Variants in CCDC85A observed in about 807,000 individuals in gnomAD.
CCDC85A encodes the protein coiled-coil domain containing 85A.
Under a neutral mutation model 50.2 loss-of-function variants are expected in CCDC85A, and 38 were observed. The ratio of observed to expected loss-of-function variants is 0.76; its 90% CI spans 0.58 to 0.99. The LOEUF (loss-of-function observed/expected upper bound fraction) is 0.99, where lower values mean the gene tolerates loss of function less well. Ranked by LOEUF, CCDC85A falls within the 50% of genes least tolerant of loss-of-function variation. The pLI is 0.00. For missense variants in CCDC85A, 820 were observed against 742.0 expected, an observed-to-expected ratio of 1.11 and a Z score of -1.22; for synonymous variants, 366 against 301.4, an observed-to-expected ratio of 1.21 and a Z score of -2.22.
At chr2:56,238,680 C>T (rs1573078512) in intron 2 of CCDC85A, among the ~76,000 whole-genome samples, 1 of 152,140 alleles carries the variant, frequency 6.6e-6, no homozygotes, top group East Asian at 1.9e-4. Flanking sequence ...TAAATTTGTT[C>T]CCATGGTCAC....
intron 2 of CCDC85A, among the ~76,000 whole-genome samples, chr2:56,329,534 C>G (rs184043082): frequency 4.6e-5 from 7 of 152,256 alleles, no homozygotes; most frequent in Non-Finnish European, 1.0e-4. Flanking sequence ...TTTAGATTAT[C>G]TAAACTAACT....
Position 56,192,806 on chromosome 2 carries a change from C to G in CCDC85A, c.606C>G (p.Pro202=). 1 of 1,613,390 alleles carries G rather than the reference C, an allele frequency of 6.2e-7. No individual in the cohort carries two copies. Residue 202 remains proline (P), a synonymous_variant, in exon 2 of 6, where the codon CCC becomes CCG. Coordinates refer to ENST00000407595, the MANE Select transcript of CCDC85A (RefSeq NM_001080433.2). This position sits in a 1 kb window ranked among gnomAD's most constrained non-coding sequence, Gnocchi z 4.7. ...GCCAACTCACAGCCTCCACCGCACCCTACGTGCGGGATGTGGGTGACGGCA... is the reference window on the plus strand; with the variant it reads ...GCCAACTCACAGCCTCCACCGCACCGTACGTGCGGGATGTGGGTGACGGCA... The part of the protein sequence containing the change: ...SLCQLTASTA[P]YVRDVGDGSS...
intron 2 of CCDC85A, among the ~76,000 whole-genome samples, chr2:56,252,164 A>G (rs1669790344): frequency 6.6e-6 from 1 of 151,442 alleles, no homozygotes; most frequent in Non-Finnish European, 1.5e-5. Context: ...CTCCTGCCTC[A>G]GCCTCCCGAG....
intron 2 of CCDC85A, among the ~76,000 whole-genome samples, chr2:56,251,006 T>G (rs1343100367): frequency 2.0e-5 from 3 of 152,094 alleles, no homozygotes; most frequent in Non-Finnish European, 4.4e-5. Context: ...GTTCTGTCTT[T>G]TGTGTGTCTG....
intron 2 of CCDC85A, among the ~76,000 whole-genome samples, chr2:56,289,530 G>A (rs563722623): frequency 5.3e-5 from 8 of 152,216 alleles, no homozygotes; most frequent in South Asian, 2.1e-4. Flanking sequence ...ATGAGAGAGG[G>A]TGGCACACTT....
At chr2:56,341,988 TG>T (rs1334082309) in intron 2 of CCDC85A, among the ~76,000 whole-genome samples, 2 of 124,898 alleles carry the variant, frequency 1.6e-5, no homozygotes, top group East Asian at 5.1e-4. Flanking sequence ...TTTTATTTTC[TG>T]TTTTTTTTTT....
chr2:56,332,852 C>T (rs1673882320), intron 2 of CCDC85A, among the ~76,000 whole-genome samples: 1 of 152,158 alleles, frequency 6.6e-6, no homozygotes, highest in Non-Finnish European at 1.5e-5. Flanking sequence ...TTTCAAACGT[C>T]ATTACAGAAT....
chr2:56,342,696 C>G (rs187638988), intron 2 of CCDC85A, among the ~76,000 whole-genome samples, 183 bp from the exon 3 acceptor site: 3 of 152,132 alleles, frequency 2.0e-5, no homozygotes, highest in African/African-American at 7.2e-5. Flanking sequence ...TAAAATTGTT[C>G]AAAACTGTTT....
chr2:56,354,406 GT>G (rs1395123792), intron 3 of CCDC85A, among the ~76,000 whole-genome samples: 5 of 152,194 alleles, frequency 3.3e-5, no homozygotes, highest in African/African-American at 1.2e-4. Flanking sequence ...ATCTGTGCTT[GT>G]GATACACATA....
In CCDC85A at chr2:56,385,415, C is replaced by T. The variant is rs1485819215; in HGVS notation, c.*1060C>T. On this transcript the variant is annotated 3_prime_UTR_variant, in exon 6 of 6. Transcript: ENST00000407595. ...TTGAAAAAGAGGTGTGCTAGCTTTG[C>T]TTAGTTTATTTCTTATTTTTGGTAT... is the stretch of plus-strand genomic sequence containing the variant. 6.6e-6 allele frequency: 1 copy of T among 152,054 alleles called. No homozygotes were observed. Among genetic ancestry groups the T allele is most frequent in the Non-Finnish European group, 1.5e-5 (1 of 67,790 alleles). 9.4% of individuals were successfully genotyped at this position (152,054 alleles called of 1,614,324 possible).
chr2:56,375,693 A>G (rs1676299568), intron 4 of CCDC85A, 123 bp from the exon 5 acceptor site: 4 of 916,388 alleles, frequency 4.4e-6, no homozygotes, highest in Non-Finnish European at 5.2e-6. Flanking sequence ...ATTGTAGACT[A>G]GGTTAGGAAA....
intron 3 of CCDC85A, among the ~76,000 whole-genome samples, chr2:56,354,043 A>G (rs904505842): frequency 1.3e-5 from 2 of 152,190 alleles, no homozygotes; most frequent in Admixed American, 6.5e-5. Flanking sequence ...TAAAGGGACC[A>G]CATGTTATCT....
intron 3 of CCDC85A, among the ~76,000 whole-genome samples, chr2:56,349,257 T>C (rs1218953684): frequency 6.6e-6 from 1 of 152,192 alleles, no homozygotes; most frequent in East Asian, 1.9e-4. Flanking sequence ...ATAGTGCTTA[T>C]ATGGAACAAC....
intron 2 of CCDC85A, among the ~76,000 whole-genome samples, chr2:56,201,082 A>C (rs201613200): frequency 1.2e-4 from 1 of 8,500 alleles, no homozygotes; most frequent in African/African-American, 3.0e-4. Flanking sequence ...CTCTCCACAC[A>C]CACACACACA....
chr2:56,213,980 A>G (rs1677289776), intron 2 of CCDC85A, among the ~76,000 whole-genome samples: 2 of 151,920 alleles, frequency 1.3e-5, no homozygotes, highest in Admixed American at 6.6e-5. Flanking sequence ...GGGCCAAGAT[A>G]TGGCAGCAGA....
In CCDC85A at chr2:56,348,291, C is replaced by T. The variant is rs570116398; in HGVS notation, c.1317+5336C>T. ...GAACAAACCATCCACCTCTTGAAGC[C>T]AACATTTGCAAGCCAGTTTCTGAAT... On this transcript the variant is annotated intron_variant, in intron 3 of 5. Transcript: ENST00000407595. Among the ~76,000 whole-genome samples the T allele has an allele frequency of 3.2e-4, 48 of 152,226 alleles. No homozygotes were observed. In the East Asian group the frequency reaches 8.7e-3, roughly 28 times the overall value.
At chr2:56,311,057 A>G (rs748191729) in intron 2 of CCDC85A, among the ~76,000 whole-genome samples, 26 of 152,162 alleles carry the variant, frequency 1.7e-4, no homozygotes, top group Non-Finnish European at 2.8e-4. Context: ...CTTTCCATGG[A>G]TATATTATTT....
At chr2:56,356,008 GGT>G (rs1423696852) in intron 3 of CCDC85A, among the ~76,000 whole-genome samples, 1 of 152,166 alleles carries the variant, frequency 6.6e-6, no homozygotes, top group Non-Finnish European at 1.5e-5. Context: ...AACCAAGGCA[GGT>G]GTGTCTTAAT....
chr2:56,353,680 C>T (rs964379569), intron 3 of CCDC85A, among the ~76,000 whole-genome samples: 2 of 152,200 alleles, frequency 1.3e-5, no homozygotes, highest in Admixed American at 6.5e-5. Flanking sequence ...GGCAGGTCAT[C>T]GCCCAGTGAA....
Sources: allele counts gnomAD v4.1 joint callset (sites outside exome capture counted in the v4.1 genomes callset), GRCh38; gene constraint gnomAD v4.1.1; non-coding constraint Gnocchi (gnomAD v3.1); transcripts MANE v1.5; gene names NCBI Gene and HGNC (gene_info 2026-07-23, HGNC 2026-07-21).